Variants in PCDHGB5 observed in about 807,000 individuals in gnomAD.
PCDHGB5 encodes protocadherin gamma-B5.
Under a neutral mutation model 62.9 loss-of-function variants are expected in PCDHGB5, and 48 were observed. The ratio of observed to expected loss-of-function variants is 0.76; its 90% CI spans 0.61 to 0.97. PCDHGB5 has a LOEUF of 0.97. Ranked by LOEUF, PCDHGB5 falls within the 50% of genes least tolerant of loss-of-function variation. The pLI is 0.00. For missense variants in PCDHGB5, 1,118 were observed against 1,198.6 expected (o/e 0.93, Z 0.99); for synonymous variants, 474 against 511.2 (o/e 0.93, Z 0.98).
At chr5:141,427,693 C>G in intron 1 of PCDHGB5, 1 of 909,726 alleles carries the variant, frequency 1.1e-6, no homozygotes, top group Non-Finnish European at 1.8e-6. Flanking sequence ...GCCTCCATCC[C>G]ACAAGTCAGC....
At chr5:141,453,608 C>T (rs1015022396) in intron 1 of PCDHGB5, among the ~76,000 whole-genome samples, 6 of 152,068 alleles carry the variant, frequency 3.9e-5, no homozygotes, top group South Asian at 2.1e-4. Context: ...TTTTGCAAAA[C>T]GCAAAAACAA....
Position 141,400,128 on chromosome 5 carries a change from G to T in PCDHGB5, c.2001G>T (p.Val667=). 6.2e-7 allele frequency: 1 copy of T among 1,614,080 alleles called. No individual in the cohort carries two copies. Among genetic ancestry groups the T allele is most frequent in the Non-Finnish European group, 8.5e-7 (1 of 1,179,890 alleles). The change falls in exon 1 of 4, where the codon GTG becomes GTT. Residue 667 remains valine, a synonymous_variant. Coordinates refer to ENST00000617380, the MANE Select transcript of PCDHGB5 (RefSeq NM_018925.3). ...HLVFADSLQE[V]LPDITDRPVP... is the part of the protein sequence containing the mutation. ...TCTTTGCTGACAGCTTGCAGGAGGT[G>T]CTGCCGGATATCACTGACCGCCCTG...
At chr5:141,437,903 A>G (rs1591482477) in intron 1 of PCDHGB5, among the ~76,000 whole-genome samples, 1 of 152,064 alleles carries the variant, frequency 6.6e-6, no homozygotes, top group East Asian at 1.9e-4. Context: ...ACACCCAGCT[A>G]ATTTTTGTAT....
At chr5:141,407,505 T>TTTTTTTTTTTTTTTTTTTTTGAG (rs1460306566) in intron 1 of PCDHGB5, among the ~76,000 whole-genome samples, 2 of 152,146 alleles carry the variant, frequency 1.3e-5, no homozygotes, top group African/African-American at 4.8e-5. Context: ...CTGTTTTTCT[T>TTTTTTTTTTTTTTTTTTTTTGAG]AGGCTATGTA....
At chr5:141,474,398 C>A (rs1381347745) in intron 1 of PCDHGB5, among the ~76,000 whole-genome samples, 3 of 152,212 alleles carry the variant, frequency 2.0e-5, no homozygotes, top group Non-Finnish European at 4.4e-5. Context: ...TTCTAACAAG[C>A]TCCCCGGTGA....
At chr5:141,449,101 G>A (rs1020443363) in intron 1 of PCDHGB5, among the ~76,000 whole-genome samples, 2 of 152,144 alleles carry the variant, frequency 1.3e-5, no homozygotes, top group African/African-American at 2.4e-5. Flanking sequence ...TACATATGCA[G>A]TATATCTTTG....
At chr5:141,446,860 G>A (rs969206755) in intron 1 of PCDHGB5, among the ~76,000 whole-genome samples, 17 of 152,162 alleles carry the variant, frequency 1.1e-4, no homozygotes, top group African/African-American at 3.9e-4. Flanking sequence ...CTTCCTGATA[G>A]CTCTACACTG....
intron 2 of PCDHGB5, among the ~76,000 whole-genome samples, chr5:141,504,490 TGC>T (rs2099838709): frequency 6.6e-6 from 1 of 152,056 alleles, no homozygotes; most frequent in Non-Finnish European, 1.5e-5. Flanking sequence ...TGGAGGCACC[TGC>T]CCAGTCTGAG....
chr5:141,453,546 C>T lies in PCDHGB5; in HGVS notation c.2398-41261C>T, dbSNP rs116481133. Among the ~76,000 whole-genome samples, 695 of 152,296 alleles carry T rather than the reference C, an allele frequency of 4.6e-3. 4 individuals are homozygous for T. Among genetic ancestry groups the T allele is most frequent in the African/African-American group, 0.015 (634 of 41,558 alleles). On this transcript the variant is annotated intron_variant, in intron 1 of 3. Transcript: ENST00000617380. ...TACCTTCTGCCTCATTCACACCACA[C>T]TCTGTAGATAATCGATTTCATTAGT...
intron 1 of PCDHGB5, chr5:141,409,728 C>T: frequency 6.2e-7 from 1 of 1,613,134 alleles, no homozygotes; most frequent in Non-Finnish European, 8.5e-7. Flanking sequence ...TCAGTGAGCG[C>T]GCAGAGCGGG....
chr5:141,410,358 T>C, intron 1 of PCDHGB5: 2 of 1,614,070 alleles, frequency 1.2e-6, no homozygotes, highest in Non-Finnish European at 8.5e-7. Flanking sequence ...CGACGCTCTC[T>C]CAGCCCTGCT....
chr5:141,413,157 A>T, intron 1 of PCDHGB5: 2 of 1,578,898 alleles, frequency 1.3e-6, no homozygotes, highest in Non-Finnish European at 1.7e-6. Flanking sequence ...ACTTTGCAGA[A>T]TTCTGTAACC....
intron 1 of PCDHGB5, chr5:141,414,679 G>T: frequency 6.2e-7 from 1 of 1,613,960 alleles, no homozygotes; most frequent in South Asian, 1.1e-5. Context: ...CACCATCCAG[G>T]GGGTACCTCT....
At chr5:141,488,599 C>T (rs1017044328) in intron 1 of PCDHGB5, among the ~76,000 whole-genome samples, 1 of 152,152 alleles carries the variant, frequency 6.6e-6, no homozygotes, top group Non-Finnish European at 1.5e-5. Flanking sequence ...CAAGACTTTA[C>T]AAGGTTCTTA....
At chr5:141,413,357 G>C in intron 1 of PCDHGB5, 1 of 1,613,992 alleles carries the variant, frequency 6.2e-7, no homozygotes, top group Non-Finnish European at 8.5e-7. Context: ...CTGGCGCCCC[G>C]GGAGCTGGCG....
intron 1 of PCDHGB5, chr5:141,413,899 A>G: frequency 1.2e-6 from 2 of 1,613,286 alleles, no homozygotes; most frequent in Non-Finnish European, 1.7e-6. Context: ...TGCAAATGAC[A>G]ACGCGCCGGT....
At chr5:141,468,346 A>AG (rs2099164784) in intron 1 of PCDHGB5, 33 of 147,324 alleles carry the variant, frequency 2.2e-4, no homozygotes, top group Middle Eastern at 6.9e-3. Flanking sequence ...AAAAAAAAAA[A>AG]AAAGAAAGAA....
intron 1 of PCDHGB5, among the ~76,000 whole-genome samples, chr5:141,468,047 G>A (rs901583535): frequency 2.0e-5 from 3 of 152,050 alleles, no homozygotes; most frequent in Non-Finnish European, 2.9e-5. Context: ...AAACTAAGCC[G>A]GGCACAGTGG....
chr5:141,505,633 A>C, intron 3 of PCDHGB5, 152 bp downstream of exon 3: 3 of 1,471,286 alleles, frequency 2.0e-6, no homozygotes, highest in South Asian at 1.3e-5. Context: ...TCCAAACATA[A>C]AGCCTGGAAT....
Sources: allele counts gnomAD v4.1 joint callset (sites outside exome capture counted in the v4.1 genomes callset), GRCh38; gene constraint gnomAD v4.1.1; transcripts MANE v1.5; gene names NCBI Gene and HGNC (gene_info 2026-07-23, HGNC 2026-07-21).